The following RGS20 variants were observed in gnomAD, a reference collection of about 807,000 sequenced individuals.
RGS20 encodes regulator of G protein signaling 20.
In RGS20, 30 loss-of-function variants were observed where a neutral mutation model predicts 33.6. The ratio of observed to expected loss-of-function variants is 0.89; its 90% CI spans 0.67 to 1.21. The LOEUF (loss-of-function observed/expected upper bound fraction) is 1.21, where lower values mean the gene tolerates loss of function less well. Ranked by LOEUF, RGS20 falls within the 50% of genes most tolerant of loss-of-function variation. The pLI, the probability that RGS20 is intolerant of heterozygous loss-of-function variation, is 0.00. For missense variants in RGS20, 472 were observed against 502.4 expected (o/e 0.94, Z 0.58); for synonymous variants, 208 against 197.9 (o/e 1.05, Z -0.43).
chr8:53,921,982 G>C (rs1014275477), intron 2 of RGS20, among the ~76,000 whole-genome samples: 2 of 152,124 alleles, frequency 1.3e-5, no homozygotes, highest in Non-Finnish European at 2.9e-5. Context: ...CACTGATGCA[G>C]GTGGAGTGCT....
At chr8:53,946,597 A>AGT (rs1380731202) in intron 3 of RGS20, 68 bp from the exon 3 acceptor site, 6 of 1,248,068 alleles carry the variant, frequency 4.8e-6, no homozygotes. Context: ...TTCTCTTTAA[A>AGT]GTATTTGTAA....
chr8:53,949,603 C>T (rs1254323688), intron 4 of RGS20, among the ~76,000 whole-genome samples: 2 of 151,240 alleles, frequency 1.3e-5, no homozygotes, highest in African/African-American at 4.8e-5. Flanking sequence ...GTAATCCCAG[C>T]TGTTTGGAAG....
At chr8:53,938,358 G>T (rs369864352) in intron 2 of RGS20, among the ~76,000 whole-genome samples, 2 of 152,176 alleles carry the variant, frequency 1.3e-5, no homozygotes, top group East Asian at 3.8e-4. Flanking sequence ...ACAGGGAGAG[G>T]AACATCACAC....
At chr8:53,950,320 G>A (rs1292860818) in intron 4 of RGS20, among the ~76,000 whole-genome samples, 4 of 152,110 alleles carry the variant, frequency 2.6e-5, no homozygotes, top group Non-Finnish European at 4.4e-5. Context: ...ACGTAACAAG[G>A]AGATTGAAAT....
At chr8:53,939,178 G>A (rs2129290037) in intron 2 of RGS20, among the ~76,000 whole-genome samples, 1 of 152,244 alleles carries the variant, frequency 6.6e-6, no homozygotes, top group East Asian at 1.9e-4. Context: ...TGGCCTCACA[G>A]GCAGCGTCAT....
Position 53,872,838 on chromosome 8 carries a change from G to GT in RGS20, c.166-6411dup, listed in dbSNP as rs541460828. Among the ~76,000 whole-genome samples, 987 of 151,544 alleles carry GT rather than the reference G, an allele frequency of 6.5e-3. 9 individuals carry two copies. The highest frequency in any genetic ancestry group is 0.018 in the African/African-American group (731 of 41,326). ...GCGCCTCTCAGCTCACATCTTGAGG[G>GT]TTTTTTTTTAATTTAGTAAAATATA... On this transcript the variant is annotated intron_variant, in intron 1 of 5. Coordinates refer to ENST00000297313, the MANE Select transcript of RGS20 (RefSeq NM_170587.4).
intron 2 of RGS20, among the ~76,000 whole-genome samples, chr8:53,882,251 A>AC (rs769779404): frequency 6.6e-6 from 1 of 151,970 alleles, no homozygotes; most frequent in Non-Finnish European, 1.5e-5. Context: ...GCCGCGACCT[A>AC]CCCCATCTCC....
chr8:53,885,981 G>C (rs538961200), intron 2 of RGS20, among the ~76,000 whole-genome samples: 1 of 152,294 alleles, frequency 6.6e-6, no homozygotes, highest in South Asian at 2.1e-4. Context: ...CATGTGTCAA[G>C]TTAGGTCCCA....
At chr8:53,900,029 G>A (rs748347012) in intron 2 of RGS20, among the ~76,000 whole-genome samples, 14 of 152,136 alleles carry the variant, frequency 9.2e-5, no homozygotes, top group Non-Finnish European at 1.3e-4. Flanking sequence ...CACCGCTTGC[G>A]TGTCCTTGAA....
At chr8:53,882,377 G>A (rs996927561) in intron 2 of RGS20, among the ~76,000 whole-genome samples, 8 of 152,096 alleles carry the variant, frequency 5.3e-5, no homozygotes, top group Non-Finnish European at 8.8e-5. Context: ...ATCCTGGCGA[G>A]CAGCCAGGGC....
At chr8:53,864,005 G>T (rs988495850) in intron 1 of RGS20, among the ~76,000 whole-genome samples, 2 of 152,022 alleles carry the variant, frequency 1.3e-5, no homozygotes, top group African/African-American at 4.8e-5. Flanking sequence ...GGGATTACAG[G>T]CATGACATTT....
At chr8:53,891,776 A>G (rs1027178474) in intron 2 of RGS20, among the ~76,000 whole-genome samples, 23 of 151,708 alleles carry the variant, frequency 1.5e-4, no homozygotes, top group South Asian at 8.3e-4. Flanking sequence ...AATGTAATAC[A>G]TGTTTTGTCA....
chr8:53,948,491 T>A (rs968890005), intron 4 of RGS20, among the ~76,000 whole-genome samples: 56 of 127,070 alleles, frequency 4.4e-4, no homozygotes, highest in African/African-American at 1.7e-3. Context: ...ATGCTATATA[T>A]GATACAGTAT....
At chr8:53,856,967 G>T (rs901098644) in intron 1 of RGS20, among the ~76,000 whole-genome samples, 1 of 152,136 alleles carries the variant, frequency 6.6e-6, no homozygotes, top group African/African-American at 2.4e-5. Context: ...AATGATAGAG[G>T]AAAGAAGAAA....
At chr8:53,856,270 C>T (rs1244955600) in intron 1 of RGS20, among the ~76,000 whole-genome samples, 1 of 149,442 alleles carries the variant, frequency 6.7e-6, no homozygotes, top group Non-Finnish European at 1.5e-5. Context: ...GGCTGGAGTG[C>T]AGTGGCGTGA....
Position 53,933,057 on chromosome 8 carries a change from A to G in RGS20, c.511-6519A>G, listed in dbSNP as rs1563412329. The stretch of plus-strand genomic sequence containing the variant: ...AGGAAAGCTAACAAACGAAAGGAAT[A>G]GCATCAACATCAACAAAAAGGACGT... On this transcript the variant is annotated intron_variant, in intron 2 of 5. Transcript: ENST00000297313. Among the ~76,000 whole-genome samples the G allele has an allele frequency of 2.6e-5, 4 of 152,364 alleles. No homozygotes were observed. In the East Asian group the frequency reaches 7.7e-4, roughly 29 times the overall value.
In RGS20 at chr8:53,891,833, C is replaced by CT. The variant is rs541262434; in HGVS notation, c.510+12242dup. 8.8e-3 allele frequency among the ~76,000 whole-genome samples: 1,250 copies of CT among 141,578 alleles called. 11 individuals are homozygous for CT. Among genetic ancestry groups the CT allele is most frequent in the African/African-American group, 0.028 (1,079 of 38,832 alleles). The allele number at this position is 141,578 out of a possible 152,430, so 92.9% of individuals were successfully genotyped here. A position where few individuals can be genotyped will look rare whatever the true frequency, so the allele number is the denominator to read the frequency against. ...AAGAAGTATGTTATAATTTTTGCAA[C>CT]TTTTTTTTTTTGGTCAGTCCCTTCA... On this transcript the variant is annotated intron_variant, in intron 2 of 5. Coordinates refer to ENST00000297313, the MANE Select transcript of RGS20 (RefSeq NM_170587.4).
chr8:53,925,347 G>A (rs1190996435), intron 2 of RGS20, among the ~76,000 whole-genome samples: 1 of 152,042 alleles, frequency 6.6e-6, no homozygotes, highest in East Asian at 1.9e-4. Flanking sequence ...TGGAAGTGAT[G>A]GGTGGAATGG....
At chr8:53,946,414 AG>A in intron 3 of RGS20, 4 of 429,040 alleles carry the variant, frequency 9.3e-6, no homozygotes, top group Non-Finnish European at 1.7e-5. Flanking sequence ...CATTATTCTA[AG>A]TATAATTGAA....
Sources: allele counts gnomAD v4.1 joint callset (sites outside exome capture counted in the v4.1 genomes callset), GRCh38; gene constraint gnomAD v4.1.1; transcripts MANE v1.5; gene names NCBI Gene and HGNC (gene_info 2026-07-23, HGNC 2026-07-21).